Variants in DPP10 observed in about 807,000 individuals in gnomAD.
The protein encoded by DPP10 is inactive dipeptidyl peptidase 10.
DPP10 carries 33 observed loss-of-function variants against 120.9 expected under a neutral mutation model. That is an observed-to-expected ratio of 0.27 (90% confidence interval 0.21 to 0.37). The LOEUF is 0.37. DPP10 is among the 10% of genes least tolerant of loss of function. The pLI is 1.00. For synonymous variants in DPP10, 337 were observed against 326.1 expected (o/e 1.03, Z -0.36); for missense variants, 816 against 942.8 (o/e 0.87, Z 1.76).
intron 1 of DPP10, among the ~76,000 whole-genome samples, chr2:114,916,359 A>T (rs898545396): frequency 6.6e-6 from 1 of 152,208 alleles, no homozygotes; most frequent in African/African-American, 2.4e-5. Flanking sequence ...AAAGCCCTGG[A>T]TCAGATGGAT....
chr2:115,360,605 C>G (rs965389248), intron 3 of DPP10, among the ~76,000 whole-genome samples: 11 of 152,180 alleles, frequency 7.2e-5, no homozygotes, highest in African/African-American at 1.9e-4. Context: ...GGGGATGACT[C>G]TCTCACCAAG....
In DPP10 at chr2:115,784,714, G is replaced by T. The variant is rs181551134; in HGVS notation, c.1531+2315G>T. Among the ~76,000 whole-genome samples, 7 of 152,136 alleles carry T rather than the reference G, an allele frequency of 4.6e-5. No homozygotes were observed. In the East Asian group the frequency reaches 1.4e-3, roughly 30 times the overall value. Reference sequence around the variant, plus strand: ...ACGCCCAGCTAATTTTGTATTTTTAGTAGAGACGGGGTTTCTCCAGTTGGT... The same window carrying T: ...ACGCCCAGCTAATTTTGTATTTTTATTAGAGACGGGGTTTCTCCAGTTGGT... On this transcript the variant is annotated intron_variant, in intron 17 of 25. Transcript: ENST00000410059.
intron 7 of DPP10, among the ~76,000 whole-genome samples, chr2:115,695,786 A>G (rs1419520403): frequency 6.6e-6 from 1 of 152,174 alleles, no homozygotes; most frequent in Non-Finnish European, 1.5e-5. Flanking sequence ...ATACAAAGCA[A>G]TAAGGAAGTA....
intron 1 of DPP10, among the ~76,000 whole-genome samples, chr2:114,476,576 A>G (rs1361457868): frequency 6.6e-6 from 1 of 152,202 alleles, no homozygotes; most frequent in East Asian, 1.9e-4. Flanking sequence ...TTCTAGTAAA[A>G]CACACTATAA....
chr2:115,096,574 C>T (rs1709763834), intron 1 of DPP10, among the ~76,000 whole-genome samples: 1 of 152,124 alleles, frequency 6.6e-6, no homozygotes, highest in South Asian at 2.1e-4. Flanking sequence ...CATATACACA[C>T]AGATGCTCCT....
chr2:114,943,419 G>C (rs1203266684), intron 1 of DPP10, among the ~76,000 whole-genome samples: 2 of 152,090 alleles, frequency 1.3e-5, no homozygotes, highest in Admixed American at 1.3e-4. Context: ...GATTACAGGT[G>C]TGTGCCACCA....
chr2:114,749,354 C>G (rs1574098258), intron 1 of DPP10, among the ~76,000 whole-genome samples: 1 of 151,974 alleles, frequency 6.6e-6, no homozygotes, highest in East Asian at 1.9e-4. Flanking sequence ...TCTGGAGTTC[C>G]CAGCCATGTC....
chr2:115,443,127 C>A (rs1449900999), intron 3 of DPP10, among the ~76,000 whole-genome samples: 1 of 152,110 alleles, frequency 6.6e-6, no homozygotes, highest in Non-Finnish European at 1.5e-5. Flanking sequence ...TTTGGAAAGG[C>A]TAAGTTATGA....
intron 1 of DPP10, chr2:115,162,170 T>G (rs977615525): frequency 1.6e-5 from 25 of 1,544,426 alleles, no homozygotes; most frequent in African/African-American, 2.8e-5. Flanking sequence ...CAGGCTCTCC[T>G]GCTTCTCCAC....
At chr2:115,808,190 G>A (rs77295700) in intron 19 of DPP10, among the ~76,000 whole-genome samples, 2 of 152,144 alleles carry the variant, frequency 1.3e-5, no homozygotes, top group Admixed American at 6.5e-5. Flanking sequence ...TTGTATGGCC[G>A]TGTAACTATA....
intron 1 of DPP10, among the ~76,000 whole-genome samples, chr2:114,938,199 G>GTACTA (rs1397110931): frequency 2.0e-5 from 3 of 151,974 alleles, no homozygotes; most frequent in Non-Finnish European, 4.4e-5. Flanking sequence ...TTATTTTTGT[G>GTACTA]TACTATTTTA....
chr2:114,652,710 CTCTT>C (rs1696682790), intron 1 of DPP10, among the ~76,000 whole-genome samples: 2 of 152,260 alleles, frequency 1.3e-5, no homozygotes, highest in South Asian at 4.1e-4. Flanking sequence ...CCCAAGTATG[CTCTT>C]TCTTGATCCA....
At chr2:114,580,725 T>C (rs1055017183) in intron 1 of DPP10, among the ~76,000 whole-genome samples, 1 of 152,002 alleles carries the variant, frequency 6.6e-6, no homozygotes, top group Non-Finnish European at 1.5e-5. Flanking sequence ...ACATCTGTTT[T>C]TTTTTTTTTT....
chr2:115,722,862 A>G (rs544892259), intron 7 of DPP10, among the ~76,000 whole-genome samples: 1 of 152,326 alleles, frequency 6.6e-6, no homozygotes, highest in East Asian at 1.9e-4. Context: ...GATTTAATAC[A>G]GATAATTGTT....
chr2:114,832,269 C>G (rs1687202706), intron 1 of DPP10, among the ~76,000 whole-genome samples: 1 of 152,196 alleles, frequency 6.6e-6, no homozygotes, highest in East Asian at 1.9e-4. Flanking sequence ...GGTGGTGGCT[C>G]ACGCCTGTAA....
chr2:115,379,518 G>A lies in DPP10; in HGVS notation c.271+35606G>A, dbSNP rs374957361. On this transcript the variant is annotated intron_variant, in intron 3 of 25. Coordinates refer to ENST00000410059, the MANE Select transcript of DPP10 (RefSeq NM_020868.6). Reference sequence around the variant, plus strand: ...CAAAAAACCAGCTCCTGGATTCATTGATTTTTTGAAGGGTTTTTTGTGTCT... The same window carrying A: ...CAAAAAACCAGCTCCTGGATTCATTAATTTTTTGAAGGGTTTTTTGTGTCT... Among the ~76,000 whole-genome samples the A allele has an allele frequency of 1.6e-3, 245 of 152,034 alleles. 1 individual carries two copies. Among genetic ancestry groups the A allele is most frequent in the Non-Finnish European group, 2.2e-3 (152 of 67,954 alleles).
In DPP10 at chr2:114,958,940, C is replaced by T. The variant is rs1310247489; in HGVS notation, c.61-350299C>T. Among the ~76,000 whole-genome samples the T allele has an allele frequency of 3.9e-5, 6 of 152,242 alleles. No individual in the cohort carries two copies. In the South Asian group the frequency reaches 1.2e-3, roughly 32 times the overall value. On this transcript the variant is annotated intron_variant, in intron 1 of 25. Transcript: ENST00000410059. Reference sequence around the variant, plus strand: ...ATGTAGATCACTCTATTATTTCTCCCAAGCTTGTTAGAGGTACAGCAAATG... The same window carrying T: ...ATGTAGATCACTCTATTATTTCTCCTAAGCTTGTTAGAGGTACAGCAAATG...
At chr2:114,868,459 T>C (rs889357614) in intron 1 of DPP10, among the ~76,000 whole-genome samples, 1 of 152,162 alleles carries the variant, frequency 6.6e-6, no homozygotes, top group Non-Finnish European at 1.5e-5. Flanking sequence ...TAATTTTATT[T>C]CCCCATTTCA....
At chr2:115,402,939 ATG>A (rs548981394) in intron 3 of DPP10, among the ~76,000 whole-genome samples, 1 of 133,506 alleles carries the variant, frequency 7.5e-6, no homozygotes, top group East Asian at 2.0e-4. Flanking sequence ...GTATATATAT[ATG>A]TGTGTGTGTA....
Sources: gnomAD v4.1 joint callset for allele counts (sites outside exome capture counted in the v4.1 genomes callset) on GRCh38, gnomAD v4.1.1 for gene constraint, MANE v1.5 for transcripts, NCBI Gene and HGNC (gene_info 2026-07-23, HGNC 2026-07-21) for gene names.